RIN3: variants seen among roughly 807,000 people sequenced by gnomAD.
The protein encoded by RIN3 is Ras and Rab interactor 3.
A neutral mutation model predicts 76.3 loss-of-function variants in RIN3; 54 were observed. The ratio of observed to expected loss-of-function variants is 0.71; its 90% CI spans 0.57 to 0.89. The LOEUF is 0.89. Ranked by LOEUF, RIN3 falls within the 40% of genes least tolerant of loss-of-function variation. RIN3 has a pLI of 0.00. For synonymous variants in RIN3, 576 were observed against 564.0 expected (o/e 1.02, Z -0.30); for missense variants, 1,256 against 1,322.1 (o/e 0.95, Z 0.78).
At chr14:92,658,576 G>A (rs531903056) in intron 6 of RIN3, among the ~76,000 whole-genome samples, 48 of 152,326 alleles carry the variant, frequency 3.2e-4, no homozygotes, top group African/African-American at 1.2e-3. Flanking sequence ...GTGTTGACAA[G>A]AGACTATAAG....
At position 92,552,906 on chromosome 14, in the gene RIN3, T is replaced by A. The variant is rs1052133088; in HGVS notation, c.45-2845T>A. 2.0e-5 allele frequency among the ~76,000 whole-genome samples: 3 copies of A among 151,912 alleles called. 1 individual carries two copies. The highest frequency in any genetic ancestry group is 7.3e-5 in the African/African-American group (3 of 41,328). ...TTTGTTCACTGCTCTAACCTGTGCCTGGAACAGCATTTGACATTGGCAGGT... is the reference window on the plus strand; with the variant it reads ...TTTGTTCACTGCTCTAACCTGTGCCAGGAACAGCATTTGACATTGGCAGGT... On this transcript the variant is annotated intron_variant, in intron 1 of 9. Transcript: ENST00000216487.
intron 1 of RIN3, among the ~76,000 whole-genome samples, chr14:92,555,520 AG>A (rs1897551505): frequency 6.6e-6 from 1 of 152,160 alleles, no homozygotes; most frequent in Admixed American, 6.5e-5. Flanking sequence ...ATTCCAGAAA[AG>A]GAGGAACAAC....
chr14:92,561,154 T>TATATTC (rs1483414902), intron 2 of RIN3, among the ~76,000 whole-genome samples: 342 of 5,550 alleles, frequency 0.062, 5 homozygotes, highest in African/African-American at 0.13. Context: ...TTTTTATATA[T>TATATTC]ATATTTATAT....
intron 6 of RIN3, among the ~76,000 whole-genome samples, chr14:92,654,183 G>T (rs566530579): frequency 6.6e-6 from 1 of 151,634 alleles, no homozygotes; most frequent in South Asian, 2.1e-4. Context: ...GTGTGGTGGC[G>T]CATGCCTATA....
At chr14:92,684,926 C>G in intron 8 of RIN3, 61 bp from the exon 9 acceptor site, 1 of 1,556,342 alleles carries the variant, frequency 6.4e-7, no homozygotes, top group Non-Finnish European at 8.8e-7. Flanking sequence ...GCAGGCCAAG[C>G]TCCTTGCCTC....
At chr14:92,554,880 G>A (rs984674498) in intron 1 of RIN3, among the ~76,000 whole-genome samples, 12 of 152,210 alleles carry the variant, frequency 7.9e-5, no homozygotes, top group South Asian at 2.1e-4. Flanking sequence ...CTGAGATCAC[G>A]CCACTGCATT....
chr14:92,583,858 T>C (rs1265529106), intron 3 of RIN3, among the ~76,000 whole-genome samples: 1 of 152,178 alleles, frequency 6.6e-6, no homozygotes, highest in Non-Finnish European at 1.5e-5. Flanking sequence ...CATCAGGCAT[T>C]AGATTCTCAT....
chr14:92,665,853 G>A (rs1022191374), intron 7 of RIN3, among the ~76,000 whole-genome samples: 1 of 151,828 alleles, frequency 6.6e-6, no homozygotes, highest in African/African-American at 2.4e-5. Context: ...TGACTTTGAC[G>A]TTCAGCAATT....
At chr14:92,664,252 G>C (rs1887989984) in intron 7 of RIN3, among the ~76,000 whole-genome samples, 1 of 151,782 alleles carries the variant, frequency 6.6e-6, no homozygotes, top group South Asian at 2.1e-4. Context: ...CATTTCATTT[G>C]GAAATAATTT....
At chr14:92,651,529 A>G in intron 5 of RIN3, 53 bp from the exon 6 acceptor site, 14 of 818,216 alleles carry the variant, frequency 1.7e-5, no homozygotes, top group Non-Finnish European at 2.4e-5. Flanking sequence ...CCAGCACAGC[A>G]ACACCTAGTC....
At position 92,688,168 on chromosome 14, in the gene RIN3, T is replaced by C. The variant is rs2140182894; in HGVS notation, c.2874T>C (p.Phe958=). The C allele has an allele frequency of 1.2e-6, 2 of 1,608,024 alleles. No homozygotes were observed. The highest frequency in any genetic ancestry group is 1.7e-6 in the Non-Finnish European group (2 of 1,178,446). Residue 958 remains phenylalanine (F), a synonymous_variant, in exon 10 of 10, where the codon TTT becomes TTC. Transcript: ENST00000216487. ...LRSEPKRDFH[F]VYRPLDGGGG... is the part of the protein sequence containing the mutation. Reference sequence around the variant, plus strand: ...GCGAGCCCAAGCGCGACTTCCACTTTGTCTACCGGCCCCTGGACGGTGGTG... The same window carrying C: ...GCGAGCCCAAGCGCGACTTCCACTTCGTCTACCGGCCCCTGGACGGTGGTG...
At chr14:92,523,114 A>G (rs1380016057) in intron 1 of RIN3, among the ~76,000 whole-genome samples, 1 of 152,034 alleles carries the variant, frequency 6.6e-6, no homozygotes, top group Non-Finnish European at 1.5e-5. Flanking sequence ...TGTTTGTTTT[A>G]TTTTATTTTA....
At chr14:92,541,339 A>G (rs557639147) in intron 1 of RIN3, among the ~76,000 whole-genome samples, 3 of 152,322 alleles carry the variant, frequency 2.0e-5, no homozygotes, top group African/African-American at 7.2e-5. Context: ...CAAGTAGAGT[A>G]TCTAGCTGTA....
chr14:92,561,757 T>C (rs1178871147), intron 2 of RIN3, among the ~76,000 whole-genome samples: 1 of 152,208 alleles, frequency 6.6e-6, no homozygotes, highest in Non-Finnish European at 1.5e-5. Context: ...CGATCATGGC[T>C]CACTGCAGCC....
At chr14:92,567,907 A>G (rs2034998846) in intron 2 of RIN3, among the ~76,000 whole-genome samples, 1 of 152,204 alleles carries the variant, frequency 6.6e-6, no homozygotes, top group African/African-American at 2.4e-5. Context: ...AGCAATCTAT[A>G]ATAATAATTA....
intron 3 of RIN3, chr14:92,586,665 T>C (rs1245851566): frequency 6.6e-6 from 1 of 152,362 alleles, no homozygotes; most frequent in South Asian, 2.1e-4. Context: ...TCAAAGACTT[T>C]GCAACCAATT....
At position 92,657,556 on chromosome 14, in the gene RIN3, G is replaced by A. The variant is rs148521467; in HGVS notation, c.2027-1605G>A. 8.4e-4 allele frequency among the ~76,000 whole-genome samples: 128 copies of A among 152,282 alleles called. 4 individuals carry two copies. The East Asian group carries it at 0.023, about 27-fold the overall frequency. On this transcript the variant is annotated intron_variant, in intron 6 of 9. Coordinates refer to ENST00000216487, the MANE Select transcript of RIN3 (RefSeq NM_024832.5). ...TTAGATGTGAAGGGGCCGGGAGGGC[G>A]TGGGCACAGCCCTCTCATTTTGCAG...
At chr14:92,561,576 A>G (rs1455993477) in intron 2 of RIN3, among the ~76,000 whole-genome samples, 1 of 152,152 alleles carries the variant, frequency 6.6e-6, no homozygotes, top group Non-Finnish European at 1.5e-5. Context: ...ACTCCACACC[A>G]GTTTCCCCCA....
rs768762308 is a variant in RIN3 at position 92,653,072 on chromosome 14, C to A, written c.2023C>A (p.Leu675Ile). Residue 675 changes from leucine to isoleucine, a missense_variant, in exon 6 of 10, where the codon CTC (leucine) becomes ATC (isoleucine). Leu to Ile is a conservative substitution (Grantham distance 5, BLOSUM62 2). Transcript: ENST00000216487. The part of the protein sequence containing the change: ...VDPALHSEEE[L>I]EAIVESALYK... The stretch of plus-strand genomic sequence containing the variant: ...CCCCGCCCTGCACTCCGAGGAGGAG[C>A]TCGGTCAGTGCCCTGGGAGGAGGTG... The A allele has an allele frequency of 1.9e-6, 3 of 1,599,462 alleles. No individual in the cohort carries two copies. Among genetic ancestry groups the A allele is most frequent in the Non-Finnish European group, 2.5e-6 (3 of 1,177,768 alleles).
Sources: gnomAD v4.1 joint callset for allele counts (sites outside exome capture counted in the v4.1 genomes callset) on GRCh38, gnomAD v4.1.1 for gene constraint, MANE v1.5 for transcripts, NCBI Gene and HGNC (gene_info 2026-07-23, HGNC 2026-07-21) for gene names.